MINDY2: variants seen among roughly 807,000 people sequenced by gnomAD.
MINDY2 encodes the protein MINDY lysine 48 deubiquitinase 2.
A neutral mutation model predicts 68.2 loss-of-function variants in MINDY2; 52 were observed. That is an observed-to-expected ratio of 0.76 (90% CI 0.61 to 0.96). The LOEUF (loss-of-function observed/expected upper bound fraction) is 0.96, where lower values mean the gene tolerates loss of function less well. MINDY2 is among the 40% of genes least tolerant of loss of function. The probability of loss-of-function intolerance (pLI) is 0.00; values close to 1 mark genes in which losing one functional copy is unlikely to be tolerated. For synonymous variants in MINDY2, 372 were observed against 303.0 expected (o/e 1.23, Z -2.36); for missense variants, 881 against 773.4 (o/e 1.14, Z -1.65).
intron 5 of MINDY2, among the ~76,000 whole-genome samples, chr15:58,831,055 A>ATATATATATATATATATATATG (rs1204574446): frequency 1.1e-4 from 16 of 145,498 alleles, no homozygotes; most frequent in African/African-American, 4.1e-4. Context: ...ATATATATAT[A>ATATATATATATATATATATATG]TATATGTTTT....
At chr15:58,833,491 C>T (rs1401856272) in intron 6 of MINDY2, among the ~76,000 whole-genome samples, 5 of 152,056 alleles carry the variant, frequency 3.3e-5, no homozygotes, top group Non-Finnish European at 5.9e-5. Context: ...GGATCCACGC[C>T]GGCACCGGCC....
chr15:58,851,912 C>G lies in MINDY2; in HGVS notation c.1684C>G (p.Gln562Glu), dbSNP rs2032833522. ...EEDRRASQYY[Q>E]EQEQAAAAAA... ...GGACAGACGGGCTTCTCAATACTATCAGGAACAGGAACAAGCAGCAGCTGC... is the reference window on the plus strand; with the variant it reads ...GGACAGACGGGCTTCTCAATACTATGAGGAACAGGAACAAGCAGCAGCTGC... Residue 562 changes from glutamine (Q) to glutamate (E), a missense_variant, in exon 8 of 9, where the codon CAG becomes GAG. Transcript: ENST00000559228. 6.2e-7 allele frequency: 1 copy of G among 1,603,896 alleles called. No homozygotes were observed. Among genetic ancestry groups the G allele is most frequent in the Admixed American group, 1.8e-5 (1 of 56,698 alleles).
chr15:58,853,674 G>T (rs528132620), intron 8 of MINDY2, among the ~76,000 whole-genome samples: 2 of 151,874 alleles, frequency 1.3e-5, no homozygotes, highest in East Asian at 1.9e-4. Context: ...TAAAAAATTA[G>T]CTGGGTGTGG....
chr15:58,822,302 A>G (rs2031114424), intron 5 of MINDY2, among the ~76,000 whole-genome samples: 1 of 152,118 alleles, frequency 6.6e-6, no homozygotes, highest in South Asian at 2.1e-4. Context: ...TGCCAATGAA[A>G]GGTTTTTCCT....
intron 3 of MINDY2, among the ~76,000 whole-genome samples, chr15:58,806,893 G>A (rs1567053366): frequency 2.6e-5 from 4 of 152,108 alleles, no homozygotes; most frequent in Admixed American, 2.0e-4. Flanking sequence ...TGTTTGGGGG[G>A]AACAGTAGAA....
At chr15:58,811,207 A>C (rs1011582486) in intron 4 of MINDY2, among the ~76,000 whole-genome samples, 8 of 152,242 alleles carry the variant, frequency 5.3e-5, no homozygotes, top group Non-Finnish European at 7.3e-5. Context: ...CGTATTCTTT[A>C]TTGCATAGCT....
Position 58,772,099 on chromosome 15 carries a change from A to G in MINDY2, c.704A>G (p.Glu235Gly). ...GCTCAGGTGCTGGCGGCCTCCAAGG[A>G]ACGCTTCCCGGGACAATCTGTGTAT... is the stretch of plus-strand genomic sequence containing the variant. Reference protein sequence around the residue: ...ETAQVLAASKERFPGQSVYHI... With the variant: ...ETAQVLAASKGRFPGQSVYHI... The change falls in exon 1 of 9, where the codon GAA (glutamate) becomes GGA (glycine). Residue 235 changes from glutamate to glycine, a missense_variant. By Grantham distance (98) the Glu-to-Gly change is moderately conservative (BLOSUM62 -2). Coordinates refer to ENST00000559228, the MANE Select transcript of MINDY2 (RefSeq NM_001040450.3). The G allele has an allele frequency of 6.2e-7, 1 of 1,613,858 alleles. No homozygotes were observed. The highest frequency in any genetic ancestry group is 8.5e-7 in the Non-Finnish European group (1 of 1,179,840).
chr15:58,841,409 T>G (rs1323152488), intron 6 of MINDY2, among the ~76,000 whole-genome samples: 1 of 146,974 alleles, frequency 6.8e-6, no homozygotes, highest in Non-Finnish European at 1.5e-5. Context: ...TTTCTTTTCT[T>G]TTTTTTTTTT....
intron 6 of MINDY2, among the ~76,000 whole-genome samples, chr15:58,839,475 G>A (rs1377742569): frequency 1.3e-5 from 2 of 152,048 alleles, no homozygotes; most frequent in African/African-American, 4.8e-5. Context: ...GGGATTACAG[G>A]TGCCTGCCAC....
intron 3 of MINDY2, among the ~76,000 whole-genome samples, chr15:58,806,428 G>A (rs994540824): frequency 6.7e-6 from 1 of 150,190 alleles, no homozygotes; most frequent in Admixed American, 6.7e-5. Context: ...TGCTATCGTG[G>A]CTCACTGCAG....
At chr15:58,841,991 T>C (rs1469716127) in intron 6 of MINDY2, among the ~76,000 whole-genome samples, 2 of 152,076 alleles carry the variant, frequency 1.3e-5, no homozygotes, top group Non-Finnish European at 2.9e-5. Context: ...ATTTCATTTT[T>C]ATGGCCCTCC....
intron 2 of MINDY2, among the ~76,000 whole-genome samples, chr15:58,790,803 A>T (rs1411866593): frequency 6.6e-5 from 10 of 152,124 alleles, no homozygotes; most frequent in Non-Finnish European, 1.5e-4. Flanking sequence ...TGGAAATAGG[A>T]AAACTGAAGC....
chr15:58,771,678 C>T lies in MINDY2; in HGVS notation c.283C>T (p.Pro95Ser), dbSNP rs1427158899. The change falls in exon 1 of 9, where the codon CCT (proline) becomes TCT (serine). Residue 95 changes from proline to serine, a missense_variant. Transcript: ENST00000559228. ...LDLKDSGLES[P>S]AAAEAPLRGQ... The stretch of plus-strand genomic sequence containing the variant: ...CTTGAAGGACAGTGGTTTGGAGAGT[C>T]CTGCTGCCGCCGAGGCGCCTCTGAG... 2 of 1,612,360 alleles carry T rather than the reference C, an allele frequency of 1.2e-6. No individual in the cohort carries two copies. Among genetic ancestry groups the T allele is most frequent in the East Asian group, 4.5e-5 (2 of 44,866 alleles).
chr15:58,781,236 G>C (rs1402828481), intron 1 of MINDY2, among the ~76,000 whole-genome samples: 3 of 151,998 alleles, frequency 2.0e-5, no homozygotes, highest in Non-Finnish European at 2.9e-5. Context: ...ATTTTTAGTA[G>C]AGACAGGGTT....
intron 2 of MINDY2, among the ~76,000 whole-genome samples, chr15:58,799,578 C>CA (rs34347740): frequency 1.2e-3 from 139 of 115,046 alleles, no homozygotes; most frequent in African/African-American, 2.0e-3. Flanking sequence ...GACTCCATCT[C>CA]AAAAAAAAAA....
At chr15:58,802,447 C>A in intron 3 of MINDY2, 70 bp downstream of exon 3, 7 of 997,832 alleles carry the variant, frequency 7.0e-6, no homozygotes, top group Non-Finnish European at 1.0e-5. Flanking sequence ...CTATTAGTAG[C>A]TGGCAGCATT....
intron 5 of MINDY2, among the ~76,000 whole-genome samples, chr15:58,830,558 C>G (rs2031655513): frequency 6.6e-6 from 1 of 152,140 alleles, no homozygotes; most frequent in African/African-American, 2.4e-5. Context: ...CTTCTGATCT[C>G]AAGCATTTTA....
rs1386225741 is a variant in MINDY2, at chr15:58,861,677, A to T, written c.*7067A>T. ...TTTGGGAGGATATTCCTTAAAAGGC[A>T]TACATAGATGGTAAAGTATAAAATA... On this transcript the variant is annotated 3_prime_UTR_variant, in exon 9 of 9. Coordinates refer to ENST00000559228, the MANE Select transcript of MINDY2 (RefSeq NM_001040450.3). 2.6e-5 allele frequency: 4 copies of T among 152,230 alleles called. No individual in the cohort carries two copies. The highest frequency in any genetic ancestry group is 9.6e-5 in the African/African-American group (4 of 41,462). 9.4% of individuals were successfully genotyped at this position (152,230 alleles called of 1,614,324 possible).
intron 4 of MINDY2, among the ~76,000 whole-genome samples, chr15:58,818,467 G>A (rs1352830507): frequency 3.9e-5 from 6 of 151,948 alleles, no homozygotes; most frequent in Admixed American, 1.3e-4. Flanking sequence ...TGTTGCCTAG[G>A]ATGGTCTCAA....
Sources: allele counts gnomAD v4.1 joint callset (sites outside exome capture counted in the v4.1 genomes callset), GRCh38; gene constraint gnomAD v4.1.1; transcripts MANE v1.5; gene names NCBI Gene and HGNC (gene_info 2026-07-23, HGNC 2026-07-21).